PPP4R3A: variants seen among roughly 807,000 people sequenced by gnomAD.
PPP4R3A encodes the protein protein phosphatase 4 regulatory subunit 3A.
Under a neutral mutation model 91.7 loss-of-function variants are expected in PPP4R3A, and 15 were observed. The observed-to-expected ratio is 0.16, with a 90% confidence interval of 0.11 to 0.25. PPP4R3A has a LOEUF of 0.25. PPP4R3A is among the 10% of genes least tolerant of loss of function. PPP4R3A has a pLI of 1.00. For synonymous variants in PPP4R3A, 377 were observed against 348.7 expected, an observed-to-expected ratio of 1.08 and a Z score of -0.91; for missense variants, 623 against 998.4, an observed-to-expected ratio of 0.62 and a Z score of 5.07.
intron 3 of PPP4R3A, among the ~76,000 whole-genome samples, chr14:91,485,368 G>A (rs1889820694): frequency 6.6e-6 from 1 of 152,228 alleles, no homozygotes; most frequent in Admixed American, 6.5e-5. Context: ...TGGTTTTGGA[G>A]TACTAAATTT....
chr14:91,484,420 T>TA (rs903773734), intron 3 of PPP4R3A, among the ~76,000 whole-genome samples: 1 of 152,122 alleles, frequency 6.6e-6, no homozygotes, highest in Non-Finnish European at 1.5e-5. Flanking sequence ...TTTTTGTAAA[T>TA]AAAAGTTTTA....
chr14:91,459,831 T>TC (rs1207412776), intron 14 of PPP4R3A, among the ~76,000 whole-genome samples: 1 of 100,224 alleles, frequency 1.0e-5, no homozygotes, highest in African/African-American at 3.7e-5. Flanking sequence ...TGAGACTCTG[T>TC]CAAAAAAAAA....
chr14:91,494,614 G>C lies in PPP4R3A; in HGVS notation c.143-3812C>G, dbSNP rs563513105. On this transcript the variant is annotated intron_variant, in intron 1 of 14. Transcript: ENST00000554943. ...ACGGTGGCTCACGCCTATAATACCAGCACTTTGGGAGGCTGAGGCAGGTGG... is the reference window on the plus strand; with the variant it reads ...ACGGTGGCTCACGCCTATAATACCACCACTTTGGGAGGCTGAGGCAGGTGG... Among the ~76,000 whole-genome samples, 6 of 152,252 alleles carry C rather than the reference G, an allele frequency of 3.9e-5. No homozygotes were observed. The East Asian group carries it at 7.7e-4, about 20-fold the overall frequency.
intron 1 of PPP4R3A, among the ~76,000 whole-genome samples, chr14:91,505,416 C>T (rs1276453486): frequency 6.6e-6 from 1 of 150,554 alleles, no homozygotes; most frequent in East Asian, 1.9e-4. Context: ...TGCTACTGCA[C>T]TCCAGCCAGG....
In PPP4R3A at chr14:91,481,959, G is replaced by C; in HGVS notation, c.532C>G (p.His178Asp). The part of the protein sequence containing the change: ...GYIKKLLELF[H>D]VCEDLENIEG... ...ATATTTTCCAAATCTTCACACACAT[G>C]AAAAAGCTCCAGGAGCTTTTTAATA... is the stretch of plus-strand genomic sequence containing the variant. The change falls in exon 4 of 15, where the codon CAT becomes GAT. Residue 178 changes from histidine (H) to aspartate (D), a missense_variant. By Grantham distance (81) the His-to-Asp change is moderately conservative. Coordinates refer to ENST00000554943, the MANE Select transcript of PPP4R3A (RefSeq NM_001366432.2). 1 of 1,613,986 alleles carries C rather than the reference G, an allele frequency of 6.2e-7. No individual in the cohort carries two copies. The highest frequency in any genetic ancestry group is 8.5e-7 in the Non-Finnish European group (1 of 1,180,004).
chr14:91,465,480 C>A, intron 10 of PPP4R3A, 61 bp from the exon 11 acceptor site: 2 of 1,404,868 alleles, frequency 1.4e-6, no homozygotes, highest in South Asian at 3.6e-5. Flanking sequence ...TTAGACTTAC[C>A]AAACAAAAAT....
chr14:91,462,304 C>T, intron 12 of PPP4R3A, 65 bp from the exon 13 acceptor site: 1 of 1,370,914 alleles, frequency 7.3e-7, no homozygotes, highest in East Asian at 2.7e-5. Flanking sequence ...TTACAGATGA[C>T]TTATTAAACT....
At chr14:91,507,733 T>TA (rs1193885447) in intron 1 of PPP4R3A, among the ~76,000 whole-genome samples, 5 of 102,642 alleles carry the variant, frequency 4.9e-5, no homozygotes, top group African/African-American at 1.9e-4. Flanking sequence ...AAAAATATCT[T>TA]AAAGGATTTT....
At chr14:91,498,989 G>A (rs1242270305) in intron 1 of PPP4R3A, among the ~76,000 whole-genome samples, 1 of 150,074 alleles carries the variant, frequency 6.7e-6, no homozygotes, top group African/African-American at 2.5e-5. Context: ...GTTTCACCAT[G>A]TTGGCCAGGA....
At chr14:91,507,544 T>C (rs59161026) in intron 1 of PPP4R3A, among the ~76,000 whole-genome samples, 1 of 63,336 alleles carries the variant, frequency 1.6e-5, no homozygotes, top group African/African-American at 6.0e-5. Flanking sequence ...TACTATATAT[T>C]ATATATAGTT....
Position 91,473,369 on chromosome 14 carries a change from T to C in PPP4R3A, c.1268A>G (p.Asp423Gly), listed in dbSNP as rs952737840. 6.2e-7 allele frequency: 1 copy of C among 1,605,800 alleles called. No homozygotes were observed. Among genetic ancestry groups the C allele is most frequent in the East Asian group, 2.2e-5 (1 of 44,852 alleles). The change falls in exon 8 of 15, where the codon GAT (aspartate) becomes GGT (glycine). Residue 423 changes from aspartate (D) to glycine (G), a missense_variant and splice_region_variant. By Grantham distance (94) the Asp-to-Gly change is moderately conservative (BLOSUM62 -1). This residue lies in a region of PPP4R3A where 264 missense variants were observed against 377.3 expected (regional missense o/e 0.70). Coordinates refer to ENST00000554943, the MANE Select transcript of PPP4R3A (RefSeq NM_001366432.2). Reference protein sequence around the residue: ...KLTEQKITSKDILLINLIIEH... With the variant: ...KLTEQKITSKGILLINLIIEH... The stretch of plus-strand genomic sequence containing the variant: ...TATAATGAGGTTGATGAGCAAAATA[T>C]CCTGGAGAGAAAAATAGACATACTC...
intron 2 of PPP4R3A, among the ~76,000 whole-genome samples, chr14:91,487,096 A>C (rs964278832): frequency 2.6e-5 from 4 of 151,202 alleles, no homozygotes; most frequent in African/African-American, 9.7e-5. Flanking sequence ...AAATACAAAA[A>C]AATTTTAGCC....
At chr14:91,484,849 T>A (rs1889788612) in intron 3 of PPP4R3A, among the ~76,000 whole-genome samples, 1 of 152,148 alleles carries the variant, frequency 6.6e-6, no homozygotes, top group African/African-American at 2.4e-5. Flanking sequence ...GCCTAAGAAG[T>A]GTATAACAAG....
At chr14:91,471,862 G>C (rs934850421) in intron 9 of PPP4R3A, among the ~76,000 whole-genome samples, 1 of 152,014 alleles carries the variant, frequency 6.6e-6, no homozygotes, top group Admixed American at 6.6e-5. Flanking sequence ...CCAGGAGTTT[G>C]AGACCAGCCC....
In PPP4R3A at chr14:91,509,842, T is replaced by G; in HGVS notation, c.-195A>C. On this transcript the variant is annotated 5_prime_UTR_variant, in exon 1 of 15. Transcript: ENST00000554943. ...GGGACCGAGCTCTGGGCCGCCGCCT[T>G]TCCTCGCCTCCGGCTCCCCGGCGCT... The G allele has an allele frequency of 1.7e-6, 2 of 1,157,544 alleles. No individual in the cohort carries two copies. The highest frequency in any genetic ancestry group is 2.1e-6 in the Non-Finnish European group (2 of 943,120). 71.7% of individuals were successfully genotyped at this position (1,157,544 alleles called of 1,614,324 possible).
intron 1 of PPP4R3A, among the ~76,000 whole-genome samples, chr14:91,501,634 G>C (rs570621740): frequency 6.6e-6 from 1 of 151,742 alleles, no homozygotes; most frequent in Non-Finnish European, 1.5e-5. Flanking sequence ...CTGGACAAAA[G>C]AGTGAGATCC....
rs1566660222 is a variant in PPP4R3A at position 91,507,394 on chromosome 14, T to TATACTATATATATACTATATA, written c.142+2111_142+2112insTATATAGTATATATATAGTAT. 1.5e-3 allele frequency among the ~76,000 whole-genome samples: 92 copies of TATACTATATATATACTATATA among 59,664 alleles called. 6 individuals are homozygous for TATACTATATATATACTATATA. Among genetic ancestry groups the TATACTATATATATACTATATA allele is most frequent in the African/African-American group, 4.5e-3 (86 of 19,062 alleles). The allele number at this position is 59,664 out of a possible 152,430, so 39.1% of individuals were successfully genotyped here. A position where few individuals can be genotyped will look rare whatever the true frequency, so the allele number is the denominator to read the frequency against. On this transcript the variant is annotated intron_variant, in intron 1 of 14. Coordinates refer to ENST00000554943, the MANE Select transcript of PPP4R3A (RefSeq NM_001366432.2). ...ATAATTATATATACTATATAGTATA[T>TATACTATATATATACTATATA]GTACTATAATTATATATACTATATA...
chr14:91,463,749 A>G (rs1888304250), intron 11 of PPP4R3A, among the ~76,000 whole-genome samples: 1 of 151,974 alleles, frequency 6.6e-6, no homozygotes, highest in African/African-American at 2.4e-5. Flanking sequence ...ATGGACATAT[A>G]TGTTTTATTA....
intron 1 of PPP4R3A, among the ~76,000 whole-genome samples, chr14:91,493,136 C>T (rs1417551086): frequency 6.6e-6 from 1 of 152,020 alleles, no homozygotes; most frequent in Non-Finnish European, 1.5e-5. Context: ...CGCCTGTAAT[C>T]CCAGCATTTT....
Sources: allele counts gnomAD v4.1 joint callset (sites outside exome capture counted in the v4.1 genomes callset), GRCh38; gene constraint gnomAD v4.1.1; regional missense constraint gnomAD v4.1.1; transcripts MANE v1.5; gene names NCBI Gene and HGNC (gene_info 2026-07-23, HGNC 2026-07-21).